CARTPT: variants seen among roughly 807,000 people sequenced by gnomAD.
CARTPT encodes the protein CART prepropeptide, also known as cocaine- and amphetamine-regulated transcript protein.
A neutral mutation model predicts 12.2 loss-of-function variants in CARTPT; 6 were observed. The ratio of observed to expected loss-of-function variants is 0.49; its 90% CI spans 0.27 to 0.97. CARTPT has a LOEUF of 0.97. Among genes scored for constraint, CARTPT ranks in the 50% least tolerant of loss-of-function variants. The pLI, the probability that CARTPT is intolerant of heterozygous loss-of-function variation, is 0.12. For missense variants in CARTPT, 135 were observed against 142.0 expected (o/e 0.95, Z 0.25); for synonymous variants, 75 against 64.1 (o/e 1.17, Z -0.82).
At chr5:71,719,748 CCT>C (rs1748668475) in intron 1 of CARTPT, 130 bp from the exon 2 acceptor site, 10 of 891,274 alleles carry the variant, frequency 1.1e-5, no homozygotes, top group Non-Finnish European at 1.8e-5. Flanking sequence ...TCGACCATTC[CCT>C]GTGTCCGCGG....
At position 71,719,368 on chromosome 5, in the gene CARTPT, C is replaced by G; in HGVS notation, c.75C>G (p.Thr25=). 1 of 1,614,124 alleles carries G rather than the reference C, an allele frequency of 6.2e-7. No individual in the cohort carries two copies. The highest frequency in any genetic ancestry group is 2.2e-5 in the East Asian group (1 of 44,876). The change falls in exon 1 of 3, where the codon ACC becomes ACG. Residue 25 remains threonine, a synonymous_variant. Coordinates refer to ENST00000296777, the MANE Select transcript of CARTPT (RefSeq NM_004291.4). ...ALLLMLPLLG[T]RAQEDAELQP... ...TGCTGATGCTACCTCTGTTGGGTAC[C>G]CGTGCCCAGGAGGACGCCGAGCTCC...
intron 1 of CARTPT, 87 bp downstream of exon 1, chr5:71,719,539 C>T (rs1360912346): frequency 6.6e-7 from 1 of 1,513,824 alleles, no homozygotes; most frequent in Non-Finnish European, 9.1e-7. Flanking sequence ...ACCCCCACTC[C>T]TATTCCCAGA....
In CARTPT at chr5:71,720,109, G is replaced by A. The variant is rs183741287; in HGVS notation, c.243+146G>A. The A allele has an allele frequency of 1.0e-3, 780 of 762,716 alleles. 1 individual carries two copies. The highest frequency in any genetic ancestry group is 1.5e-3 in the Admixed American group (77 of 51,170). 47.2% of individuals were successfully genotyped at this position (762,716 alleles called of 1,614,324 possible). A position where few individuals can be genotyped will look rare whatever the true frequency, so the allele number is the denominator to read the frequency against. On this transcript the variant is annotated intron_variant, in intron 2 of 2. Transcript: ENST00000296777. The stretch of plus-strand genomic sequence containing the variant: ...TTCTGTGGGCTCCTTCTTCCTTCCC[G>A]GGTGAGGAAATGGGAAAGCAGGAAC...
At chr5:71,720,475 C>A in intron 2 of CARTPT, 33 bp from the exon 3 acceptor site, 1 of 1,580,818 alleles carries the variant, frequency 6.3e-7, no homozygotes, top group Non-Finnish European at 8.6e-7. Context: ...TGGGTTTGTT[C>A]ATACTCGATG....
chr5:71,719,750 T>C (rs1242682168), intron 1 of CARTPT, 130 bp from the exon 2 acceptor site: 5 of 895,052 alleles, frequency 5.6e-6, no homozygotes, highest in Non-Finnish European at 9.2e-6. Context: ...GACCATTCCC[T>C]GTGTCCGCGG....
Position 71,719,398 on chromosome 5 carries a change from C to G in CARTPT, c.105C>G (p.Pro35=). 1 of 1,614,140 alleles carries G rather than the reference C, an allele frequency of 6.2e-7. No individual in the cohort carries two copies. The highest frequency in any genetic ancestry group is 8.5e-7 in the Non-Finnish European group (1 of 1,180,024). ...TRAQEDAELQ[P]RALDIYSAVD... ...CCCAGGAGGACGCCGAGCTCCAGCC[C>G]CGAGCCCTGGACATCTACTCTGCCG... The change falls in exon 1 of 3, where the codon CCC becomes CCG. Residue 35 remains proline (P), a synonymous_variant. Transcript: ENST00000296777.
At chr5:71,719,726 A>C in intron 1 of CARTPT, 154 bp from the exon 2 acceptor site, 1 of 816,888 alleles carries the variant, frequency 1.2e-6, no homozygotes, top group Non-Finnish European at 2.1e-6. Context: ...GCGTCCGCTA[A>C]GTTTCCACCC....
At chr5:71,720,423 G>C (rs1166315499) in intron 2 of CARTPT, 85 bp from the exon 3 acceptor site, 1 of 1,211,912 alleles carries the variant, frequency 8.3e-7, no homozygotes, top group Non-Finnish European at 1.2e-6. Context: ...CCTTTCAAGA[G>C]ACAGAAATTG....
chr5:71,719,453 GTCGGTAT>G lies in CARTPT; in HGVS notation c.159+4_159+10del. The G allele has an allele frequency of 6.2e-7, 1 of 1,614,106 alleles. No individual in the cohort carries two copies. Among genetic ancestry groups the G allele is most frequent in the Non-Finnish European group, 8.5e-7 (1 of 1,180,034 alleles). ...TGATGCCTCCCACGAGAAGGAGCTGGTCGGTATTCCCCTCGCTCTCGACCCCCTTGAG... is the reference window on the plus strand; with the variant it reads ...TGATGCCTCCCACGAGAAGGAGCTGGTCCCCTCGCTCTCGACCCCCTTGAG... On this transcript the variant is annotated splice_donor_variant and splice_donor_5th_base_variant and intron_variant, in intron 1 of 2. Transcript: ENST00000296777. LOFTEE classifies it high-confidence loss of function.
rs538607001 is a variant in CARTPT at position 71,720,985 on chromosome 5, C to T, written c.*370C>T. 1.5e-4 allele frequency: 41 copies of T among 268,388 alleles called. No individual in the cohort carries two copies. In the South Asian group the frequency reaches 1.9e-3, roughly 12 times the overall value. The allele number at this position is 268,388 out of a possible 1,614,324, so 16.6% of individuals were successfully genotyped here. On this transcript the variant is annotated 3_prime_UTR_variant, in exon 3 of 3. Transcript: ENST00000296777. The stretch of plus-strand genomic sequence containing the variant: ...TCATTACAACCTGGAAAATAAATCA[C>T]CCTAAGTGACACAAATTGAAGCATG...
At chr5:71,719,531 C>A in intron 1 of CARTPT, 79 bp downstream of exon 1, 1 of 1,533,250 alleles carries the variant, frequency 6.5e-7, no homozygotes, top group Non-Finnish European at 9.0e-7. Context: ...CTCCCCCCAC[C>A]CCCACTCCTA....
chr5:71,719,477 C>A lies in CARTPT; in HGVS notation c.159+25C>A, dbSNP rs948081550. 8.7e-6 allele frequency: 14 copies of A among 1,613,502 alleles called. No individual in the cohort carries two copies. In the African/African-American group the frequency reaches 1.1e-4, roughly 12 times the overall value. The stretch of plus-strand genomic sequence containing the variant: ...GGTCGGTATTCCCCTCGCTCTCGAC[C>A]CCCTTGAGCTGTCGCCTTGTCTCTT... On this transcript the variant is annotated intron_variant, in intron 1 of 2. Coordinates refer to ENST00000296777, the MANE Select transcript of CARTPT (RefSeq NM_004291.4).
At chr5:71,719,567 T>A in intron 1 of CARTPT, 115 bp downstream of exon 1, 1 of 1,298,792 alleles carries the variant, frequency 7.7e-7, no homozygotes, top group Non-Finnish European at 1.1e-6. Context: ...CGCGGGGAGC[T>A]GAGCGCAACG....
At position 71,719,321 on chromosome 5, in the gene CARTPT, C is replaced by A; in HGVS notation, c.28C>A (p.Pro10Thr). MESSRVRLL[P>T]LLGAALLLML... ...GGAGAGCTCCCGCGTGAGGCTGCTG[C>A]CCCTCCTGGGCGCCGCCCTGCTGCT... The change falls in exon 1 of 3, where the codon CCC becomes ACC. Residue 10 changes from proline (P) to threonine (T), a missense_variant. Coordinates refer to ENST00000296777, the MANE Select transcript of CARTPT (RefSeq NM_004291.4). The A allele has an allele frequency of 6.2e-7, 1 of 1,613,348 alleles. No individual in the cohort carries two copies.
rs13178795 is a variant in CARTPT, at chr5:71,719,511, C to T, written c.159+59C>T. 2.8e-3 allele frequency: 4,391 copies of T among 1,588,244 alleles called. 30 individuals are homozygous for T. Among genetic ancestry groups the T allele is most frequent in the Middle Eastern group, 0.015 (91 of 6,020 alleles). ...CTGTCGCCTTGTCTCTTCTCTTGCA[C>T]GCCTCCCTCCTCCCCCCACCCCCAC... On this transcript the variant is annotated intron_variant, in intron 1 of 2. Coordinates refer to ENST00000296777, the MANE Select transcript of CARTPT (RefSeq NM_004291.4).
At chr5:71,719,534 C>T (rs1212275766) in intron 1 of CARTPT, 82 bp downstream of exon 1, 1 of 1,523,700 alleles carries the variant, frequency 6.6e-7, no homozygotes, top group Admixed American at 1.7e-5. Flanking sequence ...CCCCCACCCC[C>T]ACTCCTATTC....
chr5:71,719,653 C>G, intron 1 of CARTPT: 1 of 758,974 alleles, frequency 1.3e-6, no homozygotes, highest in Non-Finnish European at 2.2e-6. Flanking sequence ...AATCCCTCAT[C>G]CCGGCCCCTC....
intron 1 of CARTPT, 138 bp from the exon 2 acceptor site, chr5:71,719,742 C>G: frequency 1.1e-6 from 1 of 871,576 alleles, no homozygotes; most frequent in East Asian, 2.5e-5. Flanking sequence ...CACCCCTCGA[C>G]CATTCCCTGT....
Position 71,719,471 on chromosome 5 carries a change from C to T in CARTPT, c.159+19C>T. On this transcript the variant is annotated intron_variant, in intron 1 of 2. Transcript: ENST00000296777. Reference sequence around the variant, plus strand: ...GGAGCTGGTCGGTATTCCCCTCGCTCTCGACCCCCTTGAGCTGTCGCCTTG... The same window carrying T: ...GGAGCTGGTCGGTATTCCCCTCGCTTTCGACCCCCTTGAGCTGTCGCCTTG... The T allele has an allele frequency of 6.2e-7, 1 of 1,613,948 alleles. No individual in the cohort carries two copies. The highest frequency in any genetic ancestry group is 8.5e-7 in the Non-Finnish European group (1 of 1,179,934).
Sources: allele counts gnomAD v4.1 joint callset, GRCh38; gene constraint gnomAD v4.1.1; transcripts MANE v1.5; gene names NCBI Gene and HGNC (gene_info 2026-07-23, HGNC 2026-07-21).